The following URB1 variants were observed in gnomAD, a reference collection of about 807,000 sequenced individuals.
URB1 encodes URB1 ribosome biogenesis factor, also known as nucleolar pre-ribosomal-associated protein 1.
URB1 carries 197 observed loss-of-function variants against 242.3 expected under a neutral mutation model. That is an observed-to-expected ratio of 0.81 (90% CI 0.72 to 0.91). The LOEUF is 0.91. Ranked by LOEUF, URB1 falls within the 40% of genes least tolerant of loss-of-function variation. URB1 has a pLI of 0.00. For synonymous variants in URB1, 1,153 were observed against 1,201.8 expected (o/e 0.96, Z 0.84); for missense variants, 2,721 against 2,860.5 (o/e 0.95, Z 1.11).
intron 30 of URB1, among the ~76,000 whole-genome samples, chr21:32,330,085 T>C (rs996446553): frequency 6.6e-6 from 1 of 152,100 alleles, no homozygotes; most frequent in African/African-American, 2.4e-5. Context: ...AATGAATGAG[T>C]GTGCTTCCTT....
At chr21:32,321,763 A>T in intron 34 of URB1, 38 bp downstream of exon 34, 1 of 1,547,514 alleles carries the variant, frequency 6.5e-7, no homozygotes, top group Non-Finnish European at 8.7e-7. Context: ...AGGGGCACAG[A>T]CCTCTCGCTC....
intron 10 of URB1, among the ~76,000 whole-genome samples, chr21:32,364,794 CA>C (rs3840079): frequency 4.0e-5 from 6 of 151,290 alleles, no homozygotes; most frequent in East Asian, 3.9e-4. Context: ...AGAAATAAAA[CA>C]AAAAAAAACA....
In URB1 at chr21:32,319,398, G is replaced by T; in HGVS notation, c.5611C>A (p.Leu1871Met). Residue 1871 changes from leucine (L) to methionine (M), a missense_variant, in exon 36 of 39, where the codon CTG (leucine) becomes ATG (methionine). By Grantham distance (15) the Leu-to-Met change is conservative. Transcript: ENST00000382751. ...ILESKFLETPLLSNVISLLHT... is the reference protein window; with the variant it reads ...ILESKFLETPMLSNVISLLHT... ...AGCAAGGAGATCACATTAGACAGCAGCGGAGTCTCCAGAAACCTAAAACCA... is the reference window on the plus strand; with the variant it reads ...AGCAAGGAGATCACATTAGACAGCATCGGAGTCTCCAGAAACCTAAAACCA... The T allele has an allele frequency of 6.6e-7, 1 of 1,526,380 alleles. No homozygotes were observed. The allele number at this position is 1,526,380 out of a possible 1,614,324, so 94.6% of individuals were successfully genotyped here.
rs1041950023 is a variant in URB1, at chr21:32,362,020, A to C, written c.1511T>G (p.Ile504Ser). ...CACGACAGTGTTCAGGTCTGGCAAA[A>C]TCTAAATGGGAAAAAGAAGCAGAAC... ...VQLFREALSK[I>S]LPDLNTVVWV... is the part of the protein sequence containing the mutation. Residue 504 changes from isoleucine (I) to serine (S), a missense_variant and splice_region_variant, in exon 12 of 39, where the codon ATT becomes AGT. Ile to Ser is a moderately radical substitution (Grantham distance 142). Coordinates refer to ENST00000382751, the MANE Select transcript of URB1 (RefSeq NM_014825.3). 1.3e-6 allele frequency: 2 copies of C among 1,551,140 alleles called. No individual in the cohort carries two copies. The highest frequency in any genetic ancestry group is 1.4e-5 in the African/African-American group (1 of 73,120).
chr21:32,321,717 T>C, intron 34 of URB1, 84 bp downstream of exon 34: 1 of 1,521,986 alleles, frequency 6.6e-7, no homozygotes, highest in Non-Finnish European at 8.8e-7. Context: ...GGGAACTGAA[T>C]TCATACGGAC....
intron 28 of URB1, among the ~76,000 whole-genome samples, chr21:32,335,791 C>T (rs1483152737): frequency 6.6e-6 from 1 of 152,224 alleles, no homozygotes; most frequent in Admixed American, 6.5e-5. Flanking sequence ...GGCCTGCTCC[C>T]TCATCTAAGG....
intron 13 of URB1, among the ~76,000 whole-genome samples, chr21:32,360,227 C>T (rs544435611): frequency 1.3e-5 from 2 of 152,264 alleles, no homozygotes; most frequent in African/African-American, 2.4e-5. Context: ...GGTAGGCTCT[C>T]GCTAACATTC....
At position 32,314,842 on chromosome 21, in the gene URB1, C is replaced by G. The variant is rs747358395; in HGVS notation, c.*76G>C. 1 of 1,512,804 alleles carries G rather than the reference C, an allele frequency of 6.6e-7. No homozygotes were observed. The highest frequency in any genetic ancestry group is 8.9e-7 in the Non-Finnish European group (1 of 1,126,430). The allele number at this position is 1,512,804 out of a possible 1,614,324, so 93.7% of individuals were successfully genotyped here. On this transcript the variant is annotated 3_prime_UTR_variant, in exon 39 of 39. Transcript: ENST00000382751. The stretch of plus-strand genomic sequence containing the variant: ...CCATGCCTTCTCTGGAAACCCTTGA[C>G]TCAACCAAACTTCTAGAAGCTGGTG...
Position 32,370,685 on chromosome 21 carries a change from C to A in URB1, c.1001+1822G>T, listed in dbSNP as rs141382376. Among the ~76,000 whole-genome samples the A allele has an allele frequency of 7.5e-3, 1,143 of 152,334 alleles. 19 individuals are homozygous for A. Among genetic ancestry groups the A allele is most frequent in the African/African-American group, 0.025 (1,054 of 41,572 alleles). ...AAGCCCAGCTGTCTGCTCTGTTAAC[C>A]TACACCAGCGACTGGCAAAGTAGGG... On this transcript the variant is annotated intron_variant, in intron 8 of 38. Transcript: ENST00000382751.
At chr21:32,349,745 T>C (rs1440604890) in intron 20 of URB1, among the ~76,000 whole-genome samples, 2 of 152,218 alleles carry the variant, frequency 1.3e-5, no homozygotes, top group African/African-American at 4.8e-5. Context: ...TAAAAATCCC[T>C]TGAACCACAT....
At chr21:32,388,578 T>C (rs1270613532) in intron 1 of URB1, among the ~76,000 whole-genome samples, 1 of 152,262 alleles carries the variant, frequency 6.6e-6, no homozygotes, top group Non-Finnish European at 1.5e-5. Flanking sequence ...CAGCGTGGTC[T>C]GGTGGTGATT....
chr21:32,326,428 A>C (rs1234075899), intron 30 of URB1, among the ~76,000 whole-genome samples: 1 of 152,256 alleles, frequency 6.6e-6, no homozygotes, highest in Non-Finnish European at 1.5e-5. Flanking sequence ...AAGCAGGGAC[A>C]CAGAAGATAC....
At chr21:32,371,371 G>A (rs2033404149) in intron 8 of URB1, among the ~76,000 whole-genome samples, 1 of 152,124 alleles carries the variant, frequency 6.6e-6, no homozygotes, top group Non-Finnish European at 1.5e-5. Flanking sequence ...CTATTTCATG[G>A]GCCTAGTTAT....
At chr21:32,367,586 G>GAACT (rs35201096) in intron 9 of URB1, among the ~76,000 whole-genome samples, 22,554 of 152,208 alleles carry the variant, frequency 0.15, 2,202 homozygotes, top group African/African-American at 0.28. Context: ...TACTGCCAAA[G>GAACT]AACAGTAGGT....
At chr21:32,323,440 C>A (rs2123547544) in intron 32 of URB1, among the ~76,000 whole-genome samples, 1 of 152,290 alleles carries the variant, frequency 6.6e-6, no homozygotes, top group South Asian at 2.1e-4. Flanking sequence ...CAAAAAAAGT[C>A]TTAGAATGAG....
At chr21:32,383,348 A>G (rs1296028952) in intron 4 of URB1, 74 bp downstream of exon 4, 1 of 1,464,942 alleles carries the variant, frequency 6.8e-7, no homozygotes, top group Non-Finnish European at 9.1e-7. Flanking sequence ...GGGGCAGAGA[A>G]TGGAGGAAAA....
chr21:32,382,126 G>A (rs561158248), intron 4 of URB1, among the ~76,000 whole-genome samples: 13 of 152,180 alleles, frequency 8.5e-5, no homozygotes, highest in African/African-American at 2.6e-4. Context: ...CCTTTCCCAC[G>A]CTGTCTGGGC....
intron 16 of URB1, 40 bp from the exon 17 acceptor site, chr21:32,355,037 C>A: frequency 1.3e-6 from 2 of 1,519,050 alleles, no homozygotes; most frequent in South Asian, 2.5e-5. Context: ...TTCAGATGGT[C>A]ACAGGTGAAA....
chr21:32,321,672 C>T (rs900922003), intron 34 of URB1, 129 bp downstream of exon 34: 1 of 1,377,948 alleles, frequency 7.3e-7, no homozygotes, highest in Non-Finnish European at 9.7e-7. Flanking sequence ...CTTCCCCTAA[C>T]TGAGAGCCAG....
Sources: gnomAD v4.1 joint callset for allele counts (sites outside exome capture counted in the v4.1 genomes callset) on GRCh38, gnomAD v4.1.1 for gene constraint, MANE v1.5 for transcripts, NCBI Gene and HGNC (gene_info 2026-07-23, HGNC 2026-07-21) for gene names.